The following HFM1 variants were observed in gnomAD, a reference collection of about 807,000 sequenced individuals.
HFM1 encodes helicase for meiosis 1.
A neutral mutation model predicts 192.1 loss-of-function variants in HFM1; 169 were observed. The observed-to-expected ratio is 0.88, with a 90% CI of 0.78 to 1.00. The LOEUF is 1.00. Ranked by LOEUF, HFM1 falls within the 50% of genes least tolerant of loss-of-function variation. The pLI is 0.00. For synonymous variants in HFM1, 525 were observed against 537.8 expected, an observed-to-expected ratio of 0.98 and a Z score of 0.33; for missense variants, 1,661 against 1,668.0, an observed-to-expected ratio of 1.00 and a Z score of 0.07.
chr1:91,282,630 T>C (rs1488811336), intron 30 of HFM1, among the ~76,000 whole-genome samples: 2 of 152,132 alleles, frequency 1.3e-5, no homozygotes, highest in African/African-American at 4.8e-5. Flanking sequence ...AGTAGCAAAT[T>C]TGAGATTCTA....
At chr1:91,346,343 A>ATATG (rs1368025380) in intron 19 of HFM1, among the ~76,000 whole-genome samples, 1 of 152,186 alleles carries the variant, frequency 6.6e-6, no homozygotes, top group Non-Finnish European at 1.5e-5. Context: ...TTTTCAAAAT[A>ATATG]TATGTTTAAT....
At chr1:91,349,643 G>C (rs2101710981) in intron 18 of HFM1, among the ~76,000 whole-genome samples, 1 of 152,282 alleles carries the variant, frequency 6.6e-6, no homozygotes, top group Middle Eastern at 3.4e-3. Flanking sequence ...ATTTACAAGT[G>C]AATCTTCAAG....
At chr1:91,380,324 T>TC (rs1661406783) in intron 7 of HFM1, 88 bp from the exon 8 acceptor site, 1 of 807,648 alleles carries the variant, frequency 1.2e-6, no homozygotes, top group Non-Finnish European at 1.8e-6. Flanking sequence ...TTAGTAAGAA[T>TC]CTAAGGAATA....
intron 30 of HFM1, among the ~76,000 whole-genome samples, chr1:91,295,392 G>T (rs531789350): frequency 6.6e-6 from 1 of 152,246 alleles, no homozygotes; most frequent in Admixed American, 6.5e-5. Context: ...GGTATCTCCT[G>T]AGGTTCCTCT....
At chr1:91,343,273 T>C (rs1287559697) in intron 20 of HFM1, among the ~76,000 whole-genome samples, 157 bp downstream of exon 20, 2 of 150,550 alleles carry the variant, frequency 1.3e-5, no homozygotes, top group African/African-American at 2.4e-5. Flanking sequence ...ATAGGACTTG[T>C]TTAAATTTAT....
intron 30 of HFM1, among the ~76,000 whole-genome samples, chr1:91,297,666 T>C (rs1647877175): frequency 1.3e-5 from 2 of 152,224 alleles, no homozygotes. Context: ...CCGCTGCTGA[T>C]ACCCAGGAAA....
intron 28 of HFM1, among the ~76,000 whole-genome samples, chr1:91,314,614 A>G (rs1484886673): frequency 6.6e-6 from 1 of 152,108 alleles, no homozygotes; most frequent in African/African-American, 2.4e-5. Context: ...TAGTCCCAAT[A>G]AGAATATATA....
At chr1:91,271,093 C>T (rs2100733586) in intron 34 of HFM1, among the ~76,000 whole-genome samples, 1 of 152,132 alleles carries the variant, frequency 6.6e-6, no homozygotes, top group Admixed American at 6.6e-5. Flanking sequence ...GGTGCCCTGC[C>T]TTCTCTGGGG....
intron 30 of HFM1, among the ~76,000 whole-genome samples, chr1:91,289,415 C>A (rs565096762): frequency 6.6e-6 from 1 of 151,794 alleles, no homozygotes; most frequent in East Asian, 2.0e-4. Context: ...ACATCCCAGA[C>A]GATGGGCGGC....
chr1:91,395,734 G>A (rs1038400653), intron 3 of HFM1, among the ~76,000 whole-genome samples: 1 of 151,904 alleles, frequency 6.6e-6, no homozygotes, highest in African/African-American at 2.4e-5. Context: ...CTGATATTTT[G>A]ATACATGCAT....
intron 20 of HFM1, among the ~76,000 whole-genome samples, chr1:91,340,303 C>A (rs1302023874): frequency 6.6e-6 from 1 of 152,184 alleles, no homozygotes; most frequent in African/African-American, 2.4e-5. Flanking sequence ...AGCCACTGTG[C>A]CCAGCCTTGG....
intron 30 of HFM1, among the ~76,000 whole-genome samples, chr1:91,299,269 C>T (rs1026209486): frequency 2.6e-5 from 4 of 152,060 alleles, no homozygotes; most frequent in African/African-American, 9.7e-5. Context: ...TACAGGAGCA[C>T]CCAGATTCAT....
chr1:91,290,956 G>A (rs1159169411), intron 30 of HFM1, among the ~76,000 whole-genome samples: 1 of 152,072 alleles, frequency 6.6e-6, no homozygotes, highest in Non-Finnish European at 1.5e-5. Context: ...TGACTACTGG[G>A]TACATAACGA....
chr1:91,287,504 A>T (rs1668159377), intron 30 of HFM1, among the ~76,000 whole-genome samples: 1 of 152,130 alleles, frequency 6.6e-6, no homozygotes, highest in Non-Finnish European at 1.5e-5. Context: ...CCACACCAAA[A>T]ACCCATCTGT....
At chr1:91,327,987 T>G (rs1470874046) in intron 20 of HFM1, among the ~76,000 whole-genome samples, 1 of 152,102 alleles carries the variant, frequency 6.6e-6, no homozygotes, top group Non-Finnish European at 1.5e-5. Flanking sequence ...GAGGAAAGTT[T>G]ATAGCTACAA....
intron 30 of HFM1, among the ~76,000 whole-genome samples, chr1:91,289,534 G>A (rs986788603): frequency 7.2e-5 from 11 of 152,134 alleles, no homozygotes; most frequent in African/African-American, 1.9e-4. Flanking sequence ...AGGTTGTAGC[G>A]AGCCAAGAAC....
At chr1:91,382,178 C>T (rs1661628862) in intron 6 of HFM1, among the ~76,000 whole-genome samples, 1 of 152,118 alleles carries the variant, frequency 6.6e-6, no homozygotes, top group South Asian at 2.1e-4. Flanking sequence ...CTTTTCCCTC[C>T]ATTAAGTGCT....
At chr1:91,264,068 AG>A (rs1665434639) in intron 36 of HFM1, among the ~76,000 whole-genome samples, 3 of 152,172 alleles carry the variant, frequency 2.0e-5, no homozygotes. Context: ...AGTGATAAAA[AG>A]ACTCATTTTA....
chr1:91,399,729 G>A (rs1664086406), intron 2 of HFM1, among the ~76,000 whole-genome samples: 1 of 152,086 alleles, frequency 6.6e-6, no homozygotes. Flanking sequence ...AAAGCCTCCT[G>A]AAGTCTCCCC....
Sources: gnomAD v4.1 joint callset for allele counts (sites outside exome capture counted in the v4.1 genomes callset) on GRCh38, gnomAD v4.1.1 for gene constraint, MANE v1.5 for transcripts, NCBI Gene and HGNC (gene_info 2026-07-23, HGNC 2026-07-21) for gene names.